The following IQCM variants were observed in gnomAD, a reference collection of about 807,000 sequenced individuals.
IQCM encodes the protein IQ motif containing M.
Under a neutral mutation model 57.6 loss-of-function variants are expected in IQCM, and 45 were observed. The ratio of observed to expected loss-of-function variants is 0.78; its 90% confidence interval spans 0.62 to 1.00. The LOEUF (loss-of-function observed/expected upper bound fraction) is 1.00, where lower values mean the gene tolerates loss of function less well. IQCM is among the 50% of genes least tolerant of loss of function. The pLI, the probability that IQCM is intolerant of heterozygous loss-of-function variation, is 0.00. For synonymous variants in IQCM, 148 were observed against 158.9 expected (o/e 0.93, Z 0.51); for missense variants, 468 against 511.6 (o/e 0.91, Z 0.82).
chr4:149,475,075 G>A (rs941170600), intron 12 of IQCM, among the ~76,000 whole-genome samples: 1 of 152,162 alleles, frequency 6.6e-6, no homozygotes, highest in African/African-American at 2.4e-5. Context: ...ATTTTGAAAA[G>A]ACCATTCTGG....
intron 13 of IQCM, among the ~76,000 whole-genome samples, chr4:149,365,967 T>A (rs1184931291): frequency 6.6e-6 from 1 of 152,140 alleles, no homozygotes; most frequent in African/African-American, 2.4e-5. Context: ...GTTTGGTTAA[T>A]TATAAGGTAC....
chr4:149,683,170 C>T (rs914179647), intron 6 of IQCM, among the ~76,000 whole-genome samples: 19 of 151,032 alleles, frequency 1.3e-4, no homozygotes, highest in Admixed American at 3.3e-4. Flanking sequence ...ACATACTGAT[C>T]GCTTATTTAC....
chr4:149,585,044 G>A (rs1240781090), intron 9 of IQCM, among the ~76,000 whole-genome samples: 1 of 151,558 alleles, frequency 6.6e-6, no homozygotes, highest in African/African-American at 2.4e-5. Context: ...AACTGTAAAG[G>A]GTTCCCGCAA....
At chr4:149,803,293 T>C (rs1773777981) in intron 2 of IQCM, among the ~76,000 whole-genome samples, 2 of 152,174 alleles carry the variant, frequency 1.3e-5, no homozygotes, top group East Asian at 3.9e-4. Flanking sequence ...TAATATATTA[T>C]ATAATGGGAA....
intron 2 of IQCM, among the ~76,000 whole-genome samples, chr4:149,744,994 G>T (rs1767791285): frequency 6.6e-6 from 1 of 152,114 alleles, no homozygotes; most frequent in African/African-American, 2.4e-5. Context: ...GGCCTGAGAA[G>T]GTGACATAAA....
intron 13 of IQCM, among the ~76,000 whole-genome samples, chr4:149,361,122 C>T (rs567430217): frequency 6.6e-6 from 1 of 152,102 alleles, no homozygotes; most frequent in Admixed American, 6.5e-5. Context: ...TTTGCCCCTG[C>T]CCTAGAGATC....
intron 5 of IQCM, among the ~76,000 whole-genome samples, chr4:149,694,166 A>G (rs1763144876): frequency 1.3e-4 from 20 of 151,802 alleles, no homozygotes. Flanking sequence ...TTATTCAGTT[A>G]CATAGATTTT....
chr4:149,577,505 T>G (rs2149976398), intron 9 of IQCM, among the ~76,000 whole-genome samples: 1 of 152,058 alleles, frequency 6.6e-6, no homozygotes, highest in South Asian at 2.1e-4. Flanking sequence ...CCCCATTGCT[T>G]GTTATTGTTG....
intron 2 of IQCM, among the ~76,000 whole-genome samples, chr4:149,794,473 C>T (rs1349031625): frequency 6.6e-6 from 1 of 152,140 alleles, no homozygotes; most frequent in Non-Finnish European, 1.5e-5. Context: ...GTTAAAATAT[C>T]CCATTCAGGG....
intron 5 of IQCM, among the ~76,000 whole-genome samples, chr4:149,723,598 T>C (rs751497137): frequency 6.6e-6 from 1 of 152,070 alleles, no homozygotes; most frequent in Non-Finnish European, 1.5e-5. Context: ...CTTATTGACT[T>C]GCACATATTG....
chr4:149,593,637 A>C (rs913538526), intron 8 of IQCM, among the ~76,000 whole-genome samples: 1 of 152,064 alleles, frequency 6.6e-6, no homozygotes, highest in Non-Finnish European at 1.5e-5. Flanking sequence ...TCCCATCAAT[A>C]CCTAGTTTAT....
intron 7 of IQCM, among the ~76,000 whole-genome samples, chr4:149,668,549 A>G (rs1238128962): frequency 6.6e-6 from 1 of 152,248 alleles, no homozygotes; most frequent in African/African-American, 2.4e-5. Context: ...TAGGGGAAAT[A>G]CCTAATGTAG....
At chr4:149,549,186 C>T (rs998601904) in intron 11 of IQCM, among the ~76,000 whole-genome samples, 1 of 152,144 alleles carries the variant, frequency 6.6e-6, no homozygotes, top group African/African-American at 2.4e-5. Context: ...CACTTATCTC[C>T]CATACTTGAC....
At chr4:149,353,014 G>A (rs1167852492) in intron 13 of IQCM, among the ~76,000 whole-genome samples, 1 of 152,080 alleles carries the variant, frequency 6.6e-6, no homozygotes, top group African/African-American at 2.4e-5. Context: ...AATGACTTGA[G>A]GTGTTATAAG....
At chr4:149,745,374 A>T (rs1767831383) in intron 2 of IQCM, among the ~76,000 whole-genome samples, 1 of 152,212 alleles carries the variant, frequency 6.6e-6, no homozygotes, top group Admixed American at 6.5e-5. Context: ...CTCTGCAACA[A>T]GCCTTGAACA....
At chr4:149,615,529 C>T (rs1458925933) in intron 8 of IQCM, among the ~76,000 whole-genome samples, 2 of 152,076 alleles carry the variant, frequency 1.3e-5, no homozygotes, top group Non-Finnish European at 2.9e-5. Context: ...ATACAATAAA[C>T]ATGTGGTTGC....
At chr4:149,541,000 T>C (rs369699569) in intron 12 of IQCM, among the ~76,000 whole-genome samples, 1 of 152,226 alleles carries the variant, frequency 6.6e-6, no homozygotes, top group African/African-American at 2.4e-5. Flanking sequence ...AAATTTTTTC[T>C]AATCTAAAGT....
At chr4:149,732,732 C>A (rs1205674774) in intron 5 of IQCM, among the ~76,000 whole-genome samples, 9 of 152,148 alleles carry the variant, frequency 5.9e-5, no homozygotes, top group Non-Finnish European at 1.3e-4. Context: ...CCATTATTTT[C>A]AGGAAAACAA....
intron 12 of IQCM, among the ~76,000 whole-genome samples, chr4:149,451,454 T>TA (rs1281777825): frequency 6.6e-6 from 1 of 151,724 alleles, no homozygotes; most frequent in East Asian, 1.9e-4. Context: ...ACTCCATCAA[T>TA]ATATGCACCT....
Sources: allele counts gnomAD v4.1 joint callset (sites outside exome capture counted in the v4.1 genomes callset), GRCh38; gene constraint gnomAD v4.1.1; transcripts MANE v1.5; gene names NCBI Gene and HGNC (gene_info 2026-07-23, HGNC 2026-07-21).